The following INTU variants were observed in gnomAD, a reference collection of about 807,000 sequenced individuals.
INTU encodes the protein inturned planar cell polarity protein, also known as protein inturned.
Under a neutral mutation model 100.5 loss-of-function variants are expected in INTU, and 68 were observed. The ratio of observed to expected loss-of-function variants is 0.68; its 90% confidence interval spans 0.56 to 0.83. The LOEUF (loss-of-function observed/expected upper bound fraction) is 0.83, where lower values mean the gene tolerates loss of function less well. INTU is among the 40% of genes least tolerant of loss of function. The pLI is 0.00. For synonymous variants in INTU, 357 were observed against 395.7 expected (o/e 0.90, Z 1.16); for missense variants, 1,071 against 1,114.7 (o/e 0.96, Z 0.56).
rs936541238 is a variant in INTU at position 127,724,054 on chromosome 4, T to C, written c.*7618T>C. On this transcript the variant is annotated 3_prime_UTR_variant, in exon 16 of 16. Transcript: ENST00000335251. ...TTCAGGAAAGCTGCATGTAAATCTT[T>C]TTTTAAAGCTAAATCATGTTAAAGA... 6.6e-6 allele frequency: 1 copy of C among 152,250 alleles called. No individual in the cohort carries two copies. The highest frequency in any genetic ancestry group is 2.4e-5 in the African/African-American group (1 of 41,472). 9.4% of individuals were successfully genotyped at this position (152,250 alleles called of 1,614,324 possible).
chr4:127,704,482 A>G (rs1578630324), intron 10 of INTU, among the ~76,000 whole-genome samples, 192 bp downstream of exon 10: 1 of 152,168 alleles, frequency 6.6e-6, no homozygotes, highest in African/African-American at 2.4e-5. Context: ...GTACAATCAT[A>G]GCTCACTGCA....
At chr4:127,705,465 T>C (rs1730836532) in intron 10 of INTU, 126 bp from the exon 11 acceptor site, 4 of 720,766 alleles carry the variant, frequency 5.5e-6, no homozygotes, top group Non-Finnish European at 9.6e-6. Flanking sequence ...TATATCTTCA[T>C]TTACCCCATT....
chr4:127,664,751 T>C (rs1368622246), intron 4 of INTU, among the ~76,000 whole-genome samples: 1 of 152,034 alleles, frequency 6.6e-6, no homozygotes, highest in East Asian at 1.9e-4. Flanking sequence ...TCCGTGTCTT[T>C]ATGTATTTGA....
At chr4:127,637,812 AG>A (rs999212430) in intron 1 of INTU, among the ~76,000 whole-genome samples, 4 of 152,316 alleles carry the variant, frequency 2.6e-5, no homozygotes, top group Admixed American at 2.6e-4. Context: ...TGTTTAGCTG[AG>A]GGGGCAGGTG....
intron 14 of INTU, among the ~76,000 whole-genome samples, chr4:127,713,693 T>C (rs939612329): frequency 2.0e-5 from 3 of 152,110 alleles, no homozygotes; most frequent in Non-Finnish European, 4.4e-5. Flanking sequence ...ATATACATAC[T>C]AATAATATAG....
intron 14 of INTU, among the ~76,000 whole-genome samples, 198 bp downstream of exon 14, chr4:127,711,300 G>C (rs998334049): frequency 6.6e-6 from 1 of 152,026 alleles, no homozygotes; most frequent in Non-Finnish European, 1.5e-5. Flanking sequence ...CTGATGTCTT[G>C]GGTTACTTTT....
chr4:127,648,773 A>G (rs1727698936), intron 2 of INTU, among the ~76,000 whole-genome samples: 1 of 150,808 alleles, frequency 6.6e-6, no homozygotes, highest in Non-Finnish European at 1.5e-5. Flanking sequence ...TTGATATAGT[A>G]CTTTTGTTTA....
intron 2 of INTU, among the ~76,000 whole-genome samples, chr4:127,645,810 C>T (rs1002534430): frequency 7.2e-5 from 11 of 151,984 alleles, no homozygotes; most frequent in Non-Finnish European, 8.8e-5. Context: ...GTGATCCACC[C>T]GCCTCAGCCT....
chr4:127,724,887 C>T lies in INTU; in HGVS notation c.*8451C>T, dbSNP rs1334732819. The T allele has an allele frequency of 1.3e-5, 2 of 152,108 alleles. No homozygotes were observed. The highest frequency in any genetic ancestry group is 4.8e-5 in the African/African-American group (2 of 41,406). The allele number at this position is 152,108 out of a possible 1,614,324, so 9.4% of individuals were successfully genotyped here. A position where few individuals can be genotyped will look rare whatever the true frequency, so the allele number is the denominator to read the frequency against. Reference sequence around the variant, plus strand: ...ACAGTTTGAGAGATTTTCACTTAAGCATTTAAGTTGCAAACCACTACATAT... The same window carrying T: ...ACAGTTTGAGAGATTTTCACTTAAGTATTTAAGTTGCAAACCACTACATAT... On this transcript the variant is annotated 3_prime_UTR_variant, in exon 16 of 16. Coordinates refer to ENST00000335251, the MANE Select transcript of INTU (RefSeq NM_015693.4).
rs1421834180 is a variant in INTU at position 127,726,319 on chromosome 4, G to A, written c.*9883G>A. The A allele has an allele frequency of 6.6e-6, 1 of 152,204 alleles. No individual in the cohort carries two copies. Among genetic ancestry groups the A allele is most frequent in the African/African-American group, 2.4e-5 (1 of 41,448 alleles). The allele number at this position is 152,204 out of a possible 1,614,324, so 9.4% of individuals were successfully genotyped here. On this transcript the variant is annotated 3_prime_UTR_variant, in exon 16 of 16. Coordinates refer to ENST00000335251, the MANE Select transcript of INTU (RefSeq NM_015693.4). Reference sequence around the variant, plus strand: ...ATTTCTAATACAAATGGGCAAAGCTGTGAAACCAATTTACTAGGTTTTTCT... The same window carrying A: ...ATTTCTAATACAAATGGGCAAAGCTATGAAACCAATTTACTAGGTTTTTCT...
At chr4:127,699,900 G>T in intron 8 of INTU, 110 bp from the exon 9 acceptor site, 1 of 647,782 alleles carries the variant, frequency 1.5e-6, no homozygotes, top group Non-Finnish European at 2.6e-6. Flanking sequence ...AAAAGAGAAA[G>T]ATACTCAATT....
rs1296099994 is a variant in INTU at position 127,726,340 on chromosome 4, T to C, written c.*9904T>C. The stretch of plus-strand genomic sequence containing the variant: ...AGCTGTGAAACCAATTTACTAGGTT[T>C]TTCTGCTTTGGACATAATTGTATGT... On this transcript the variant is annotated 3_prime_UTR_variant, in exon 16 of 16. Transcript: ENST00000335251. The C allele has an allele frequency of 6.6e-6, 1 of 152,250 alleles. No homozygotes were observed. The highest frequency in any genetic ancestry group is 1.5e-5 in the Non-Finnish European group (1 of 68,046). The allele number at this position is 152,250 out of a possible 1,614,324, so 9.4% of individuals were successfully genotyped here. A position where few individuals can be genotyped will look rare whatever the true frequency, so the allele number is the denominator to read the frequency against.
intron 2 of INTU, among the ~76,000 whole-genome samples, chr4:127,654,357 G>A (rs1395956845): frequency 1.3e-5 from 2 of 152,202 alleles, no homozygotes; most frequent in South Asian, 2.1e-4. Flanking sequence ...GCAGCGGCCG[G>A]TACCGGTTGT....
At chr4:127,648,815 CTTG>C (rs1476893147) in intron 2 of INTU, among the ~76,000 whole-genome samples, 2 of 150,844 alleles carry the variant, frequency 1.3e-5, no homozygotes, top group South Asian at 2.1e-4. Context: ...AAACAGGCAT[CTTG>C]TTGTGTTTTT....
chr4:127,660,631 G>A (rs1728434708), intron 3 of INTU, among the ~76,000 whole-genome samples: 1 of 152,120 alleles, frequency 6.6e-6, no homozygotes, highest in Non-Finnish European at 1.5e-5. Flanking sequence ...TAAATAGGAT[G>A]GGCTAAAGAC....
At chr4:127,712,769 A>G (rs1371816076) in intron 14 of INTU, among the ~76,000 whole-genome samples, 2 of 152,200 alleles carry the variant, frequency 1.3e-5, no homozygotes, top group Non-Finnish European at 2.9e-5. Flanking sequence ...GCTTCCAGCA[A>G]GGGGAACAGC....
intron 14 of INTU, among the ~76,000 whole-genome samples, chr4:127,712,828 G>A (rs1731142540): frequency 6.6e-6 from 1 of 152,184 alleles, no homozygotes; most frequent in Non-Finnish European, 1.5e-5. Context: ...CTCCTGTCAG[G>A]TCAGCTGCGG....
chr4:127,654,447 A>G (rs1413272497), intron 2 of INTU, among the ~76,000 whole-genome samples: 5 of 152,142 alleles, frequency 3.3e-5, no homozygotes, highest in Middle Eastern at 3.4e-3. Flanking sequence ...GCATTTGCTT[A>G]TCTGTAAAGT....
rs368527620 is a variant in INTU at position 127,663,563 on chromosome 4, C to T, written c.951C>T (p.Asp317=). 6 of 1,612,848 alleles carry T rather than the reference C, an allele frequency of 3.7e-6. No individual in the cohort carries two copies. The African/African-American group carries it at 8.0e-5, about 22-fold the overall frequency. ...HIIMYLTLQL[D]SETSKEEQEI... The stretch of plus-strand genomic sequence containing the variant: ...TTATGTATCTCACACTACAGCTCGA[C>T]TCAGAAACCTCAAAGGAAGAGGTGA... The change falls in exon 4 of 16, where the codon GAC becomes GAT. Residue 317 remains aspartate (D), a synonymous_variant. Coordinates refer to ENST00000335251, the MANE Select transcript of INTU (RefSeq NM_015693.4).
Sources: allele counts gnomAD v4.1 joint callset (sites outside exome capture counted in the v4.1 genomes callset), GRCh38; gene constraint gnomAD v4.1.1; transcripts MANE v1.5; gene names NCBI Gene and HGNC (gene_info 2026-07-23, HGNC 2026-07-21).